Variants in DHRSX observed in about 807,000 individuals in gnomAD.
The protein encoded by DHRSX is polyprenol dehydrogenase.
A neutral mutation model predicts 34.0 loss-of-function variants in DHRSX; 31 were observed. The ratio of observed to expected loss-of-function variants is 0.91; its 90% CI spans 0.69 to 1.23. The LOEUF (loss-of-function observed/expected upper bound fraction) is 1.23. Among genes scored for constraint, DHRSX ranks in the 50% most tolerant of loss-of-function variants. The probability of loss-of-function intolerance (pLI) is 0.00; values close to 1 mark genes in which losing one functional copy is unlikely to be tolerated. For synonymous variants in DHRSX, 201 were observed against 183.8 expected, an observed-to-expected ratio of 1.09 and a Z score of -0.76; for missense variants, 414 against 428.1, an observed-to-expected ratio of 0.97 and a Z score of 0.29.
At chrX:2,262,358 C>G (rs1405238873) in intron 5 of DHRSX, among the ~76,000 whole-genome samples, 1 of 152,202 alleles carries the variant, frequency 6.6e-6, no homozygotes, top group Non-Finnish European at 1.5e-5. Flanking sequence ...CTGGCACGCA[C>G]ATGACTCACC....
intron 3 of DHRSX, among the ~76,000 whole-genome samples, chrX:2,340,446 C>CTG (rs779075679): frequency 1.9e-4 from 29 of 150,678 alleles, no homozygotes; most frequent in Middle Eastern, 3.4e-3. Context: ...GTGCGTCTGT[C>CTG]TGTGTGTGTG....
At chrX:2,347,153 G>A (rs943171057) in intron 3 of DHRSX, among the ~76,000 whole-genome samples, 3 of 152,160 alleles carry the variant, frequency 2.0e-5, no homozygotes, top group African/African-American at 7.2e-5. Context: ...GAAAAGAAAG[G>A]TTTAACTGGA....
intron 6 of DHRSX, among the ~76,000 whole-genome samples, chrX:2,241,132 C>A (rs753423295): frequency 1.3e-5 from 2 of 151,516 alleles, no homozygotes; most frequent in African/African-American, 4.9e-5. Flanking sequence ...TGCAGCGAGC[C>A]GAGATCACAC....
Position 2,380,111 on chromosome X carries a change from A to C in DHRSX, c.286+28634T>G, listed in dbSNP as rs1429227328. 5.3e-5 allele frequency among the ~76,000 whole-genome samples: 8 copies of C among 152,194 alleles called. No homozygotes were observed. The East Asian group carries it at 1.5e-3, about 29-fold the overall frequency. The stretch of plus-strand genomic sequence containing the variant: ...GGAGTCCAAGACCAGCCTGGCCAAC[A>C]TGGTGAAACCCTGTCTCTACTAAAA... On this transcript the variant is annotated intron_variant, in intron 3 of 6. Transcript: ENST00000334651.
chrX:2,242,950 T>C, intron 6 of DHRSX, 73 bp downstream of exon 6: 1 of 1,457,114 alleles, frequency 6.9e-7, no homozygotes, highest in Middle Eastern at 1.9e-4. Flanking sequence ...TCCCTTGGGG[T>C]CTGGACTGGG....
At chrX:2,312,716 T>TAAA (rs748118465) in intron 3 of DHRSX, among the ~76,000 whole-genome samples, 1 of 151,728 alleles carries the variant, frequency 6.6e-6, no homozygotes, top group African/African-American at 2.4e-5. Flanking sequence ...AAAGTATAAT[T>TAAA]AAAAAAAATA....
intron 3 of DHRSX, among the ~76,000 whole-genome samples, chrX:2,304,293 G>GTGGATGGA (rs1569485940): frequency 1.1e-5 from 1 of 94,844 alleles, no homozygotes. Flanking sequence ...GGGTGGGTGG[G>GTGGATGGA]TGGATGGATG....
rs1044886929 is a variant in DHRSX, at chrX:2,313,367, T to C, written c.287-21764A>G. ...GCTTCCATGTATTGATTTATGATTT[T>C]TTTTTTACTTATTATTTTTGAGATG... On this transcript the variant is annotated intron_variant, in intron 3 of 6. Coordinates refer to ENST00000334651, the MANE Select transcript of DHRSX (RefSeq NM_145177.3). Among the ~76,000 whole-genome samples, 23 of 151,464 alleles carry C rather than the reference T, an allele frequency of 1.5e-4. 1 individual carries two copies. Among genetic ancestry groups the C allele is most frequent in the Admixed American group, 1.3e-3 (20 of 15,170 alleles).
chrX:2,486,760 C>G (rs2044944852), intron 1 of DHRSX: 1 of 152,274 alleles, frequency 6.6e-6, no homozygotes, highest in Non-Finnish European at 1.5e-5. Flanking sequence ...GTTCCAAGTT[C>G]ACGGCGGAAC....
At chrX:2,307,655 C>G (rs1255190626) in intron 3 of DHRSX, among the ~76,000 whole-genome samples, 1 of 151,578 alleles carries the variant, frequency 6.6e-6, no homozygotes, top group African/African-American at 2.4e-5. Context: ...GTCCCAGCTA[C>G]TCAGGAGGCT....
chrX:2,477,395 G>A (rs1157714791), intron 1 of DHRSX, among the ~76,000 whole-genome samples: 1 of 152,108 alleles, frequency 6.6e-6, no homozygotes, highest in Non-Finnish European at 1.5e-5. Flanking sequence ...ACAACAGACA[G>A]GACTGTTACA....
chrX:2,399,743 C>CAAAAAAAAAAAAAAAA (rs951340315), intron 3 of DHRSX, among the ~76,000 whole-genome samples: 1 of 54,644 alleles, frequency 1.8e-5, no homozygotes, highest in African/African-American at 7.8e-5. Flanking sequence ...AAAAAAAAAA[C>CAAAAAAAAAAAAAAAA]AAAAAAACAC....
chrX:2,485,917 A>G (rs902910824), intron 1 of DHRSX, among the ~76,000 whole-genome samples: 3 of 146,136 alleles, frequency 2.1e-5, no homozygotes, highest in African/African-American at 8.0e-5. Flanking sequence ...GGAAGGAAGG[A>G]AGGAAAGAAG....
In DHRSX at chrX:2,220,875, C is replaced by T. The variant is rs1345200502; in HGVS notation, c.*166G>A. ...ATTATCCTCCAAAATGTTTATTTGG[C>T]TTCTTGAAGTTCTGCAGAGGTTGAG... On this transcript the variant is annotated 3_prime_UTR_variant, in exon 7 of 7. Coordinates refer to ENST00000334651, the MANE Select transcript of DHRSX (RefSeq NM_145177.3). 22 of 584,790 alleles carry T rather than the reference C, an allele frequency of 3.8e-5. No homozygotes were observed. The African/African-American group carries it at 3.9e-4, about 10-fold the overall frequency. The allele number at this position is 584,790 out of a possible 1,614,324, so 36.2% of individuals were successfully genotyped here.
intron 1 of DHRSX, among the ~76,000 whole-genome samples, chrX:2,476,398 C>CAA (rs34249061): frequency 8.2e-4 from 84 of 102,898 alleles, no homozygotes; most frequent in African/African-American, 2.5e-3. Context: ...AACTCCATCT[C>CAA]AAAAAAAAAA....
chrX:2,459,399 G>A (rs774652796), intron 1 of DHRSX, among the ~76,000 whole-genome samples: 1 of 151,550 alleles, frequency 6.6e-6, no homozygotes, highest in African/African-American at 2.4e-5. Flanking sequence ...TAGGTCAATG[G>A]TTAATATGTT....
chrX:2,287,975 T>C (rs2041824464), intron 4 of DHRSX, among the ~76,000 whole-genome samples: 1 of 152,068 alleles, frequency 6.6e-6, no homozygotes, highest in Non-Finnish European at 1.5e-5. Context: ...CACATGAAAA[T>C]GTGACTTTCA....
In DHRSX at chrX:2,482,130, T is replaced by TTTTC. The variant is rs992403043; in HGVS notation, c.109+18686_109+18687insGAAA. The stretch of plus-strand genomic sequence containing the variant: ...ACACACGTGTGCCACCACGTCTGGC[T>TTTTC]TTTTTTTTTTTTTTAGAGACAGCAT... On this transcript the variant is annotated intron_variant, in intron 1 of 6. Coordinates refer to ENST00000334651, the MANE Select transcript of DHRSX (RefSeq NM_145177.3). Among the ~76,000 whole-genome samples, 9 of 67,434 alleles carry TTTTC rather than the reference T, an allele frequency of 1.3e-4. 1 individual carries two copies. The highest frequency in any genetic ancestry group is 1.1e-3 in the Admixed American group (8 of 7,298). The allele number at this position is 67,434 out of a possible 152,430, so 44.2% of individuals were successfully genotyped here.
At chrX:2,264,613 A>G (rs1450572414) in intron 5 of DHRSX, among the ~76,000 whole-genome samples, 1 of 144,012 alleles carries the variant, frequency 6.9e-6, no homozygotes, top group Non-Finnish European at 1.5e-5. Flanking sequence ...CCAGAGGACC[A>G]TGCCCAGCAG....
Sources: gnomAD v4.1 joint callset for allele counts (sites outside exome capture counted in the v4.1 genomes callset) on GRCh38, gnomAD v4.1.1 for gene constraint, MANE v1.5 for transcripts, NCBI Gene and HGNC (gene_info 2026-07-23, HGNC 2026-07-21) for gene names.